LRRIQ1: variants seen among roughly 807,000 people sequenced by gnomAD.
LRRIQ1 encodes leucine rich repeats and IQ motif containing 1, also known as leucine-rich repeat- and IQ domain-containing protein 1.
LRRIQ1 carries 210 observed loss-of-function variants against 211.9 expected under a neutral mutation model. The ratio of observed to expected loss-of-function variants is 0.99; its 90% CI spans 0.89 to 1.11. The LOEUF (loss-of-function observed/expected upper bound fraction) is 1.11, where lower values mean the gene tolerates loss of function less well. LRRIQ1 is among the 50% of genes most tolerant of loss of function. LRRIQ1 has a pLI of 0.00. For synonymous variants in LRRIQ1, 699 were observed against 650.1 expected, an observed-to-expected ratio of 1.08 and a Z score of -1.14; for missense variants, 2,136 against 1,939.5, an observed-to-expected ratio of 1.10 and a Z score of -1.90.
intron 23 of LRRIQ1, among the ~76,000 whole-genome samples, chr12:85,157,403 C>A (rs189922216): frequency 8.6e-5 from 13 of 151,920 alleles, no homozygotes. Context: ...GTTGTTTTTC[C>A]TAGTGAGTAA....
At chr12:85,191,875 C>T (rs967919294) in intron 24 of LRRIQ1, among the ~76,000 whole-genome samples, 1 of 151,878 alleles carries the variant, frequency 6.6e-6, no homozygotes, top group Non-Finnish European at 1.5e-5. Context: ...ACATATGATA[C>T]TGAGCATCTT....
At position 85,056,607 on chromosome 12, in the gene LRRIQ1, T is replaced by C. The variant is rs1178321115; in HGVS notation, c.1814T>C (p.Leu605Ser). 2 of 1,594,340 alleles carry C rather than the reference T, an allele frequency of 1.3e-6. No homozygotes were observed. The highest frequency in any genetic ancestry group is 3.5e-5 in the Admixed American group (2 of 56,560). ...TTATTATATAAAGATAAGGATACTT[T>C]AGTTATTTCAGTGAAACAAAGATCA... Reference protein sequence around the residue: ...NGLLYKDKDTLVISVKQRSLS... With the variant: ...NGLLYKDKDTSVISVKQRSLS... The change falls in exon 8 of 27, where the codon TTA (leucine) becomes TCA (serine). Residue 605 changes from leucine (L) to serine (S), a missense_variant. Coordinates refer to ENST00000393217, the MANE Select transcript of LRRIQ1 (RefSeq NM_001079910.2).
intron 11 of LRRIQ1, among the ~76,000 whole-genome samples, chr12:85,097,822 A>G (rs1886022683): frequency 6.6e-6 from 1 of 152,110 alleles, no homozygotes; most frequent in African/African-American, 2.4e-5. Context: ...CTCATCTAAT[A>G]TTTTGTAGAT....
intron 11 of LRRIQ1, chr12:85,076,598 A>G: frequency 1.3e-6 from 1 of 765,842 alleles, no homozygotes; most frequent in Non-Finnish European, 1.6e-6. Context: ...AGTATTGTAA[A>G]TATGAAAGAT....
chr12:85,054,645 C>T (rs1880761300), intron 7 of LRRIQ1, among the ~76,000 whole-genome samples: 1 of 151,890 alleles, frequency 6.6e-6, no homozygotes, highest in African/African-American at 2.4e-5. Context: ...GAAAACATCT[C>T]ATTTTGAAGT....
intron 3 of LRRIQ1, among the ~76,000 whole-genome samples, chr12:85,043,535 A>T (rs1879157869): frequency 6.6e-6 from 1 of 152,032 alleles, no homozygotes; most frequent in Admixed American, 6.6e-5. Context: ...ATCATGCGTC[A>T]TTTCTGCCAC....
intron 17 of LRRIQ1, chr12:85,124,900 TG>T: frequency 4.5e-6 from 1 of 219,808 alleles, no homozygotes; most frequent in South Asian, 5.8e-5. Context: ...CTTTGCAGGC[TG>T]GGCGCGGTGG....
chr12:85,156,338 A>G (rs1448581306), intron 23 of LRRIQ1, among the ~76,000 whole-genome samples: 1 of 151,714 alleles, frequency 6.6e-6, no homozygotes, highest in Non-Finnish European at 1.5e-5. Flanking sequence ...AGATATACAG[A>G]TTAGAAACAT....
At chr12:85,181,692 T>A (rs1396947707) in intron 24 of LRRIQ1, among the ~76,000 whole-genome samples, 1 of 152,030 alleles carries the variant, frequency 6.6e-6, no homozygotes, top group Non-Finnish European at 1.5e-5. Flanking sequence ...ACACTTATGT[T>A]CAAATGGACT....
chr12:85,172,508 C>G (rs1411477410), intron 24 of LRRIQ1, among the ~76,000 whole-genome samples: 2 of 152,092 alleles, frequency 1.3e-5, no homozygotes, highest in Admixed American at 6.6e-5. Flanking sequence ...AGAATACTAG[C>G]CTTTACTTCT....
At chr12:85,203,117 C>A (rs980106530) in intron 24 of LRRIQ1, among the ~76,000 whole-genome samples, 3 of 152,108 alleles carry the variant, frequency 2.0e-5, no homozygotes, top group Admixed American at 6.6e-5. Context: ...CCATAGTGTT[C>A]TCGTGGTAGT....
chr12:85,089,109 C>T (rs998865746), intron 11 of LRRIQ1, among the ~76,000 whole-genome samples: 3 of 152,068 alleles, frequency 2.0e-5, no homozygotes, highest in East Asian at 1.9e-4. Context: ...TTTTGAGATA[C>T]GTCCCATCAA....
downstream of LRRIQ1, among the ~76,000 whole-genome samples, chr12:85,264,934 C>CT (rs1426334507): frequency 6.6e-6 from 1 of 152,000 alleles, no homozygotes; most frequent in Non-Finnish European, 1.5e-5. Flanking sequence ...TGCCTTCTAG[C>CT]TAGTAAGAAT....
At chr12:85,268,217 A>G (rs1417799401), downstream of LRRIQ1, among the ~76,000 whole-genome samples, 5 of 152,016 alleles carry the variant, frequency 3.3e-5, no homozygotes, top group Non-Finnish European at 7.4e-5. Context: ...CTTGAAATGG[A>G]AGTAGAACTC....
At chr12:85,252,910 T>C (rs1044484037) in intron 1 of LRRIQ1, among the ~76,000 whole-genome samples, 1 of 152,018 alleles carries the variant, frequency 6.6e-6, no homozygotes, top group Admixed American at 6.6e-5. Flanking sequence ...TTTAATTTAA[T>C]ATCTAAGTTC....
intron 23 of LRRIQ1, among the ~76,000 whole-genome samples, chr12:85,160,258 G>GA (rs1478430017): frequency 6.6e-6 from 1 of 151,844 alleles, no homozygotes; most frequent in Non-Finnish European, 1.5e-5. Context: ...TTAGGGCAAA[G>GA]AAAAACCACT....
chr12:85,250,225 A>G (rs1488459396), intron 1 of LRRIQ1, among the ~76,000 whole-genome samples: 1 of 151,924 alleles, frequency 6.6e-6, no homozygotes, highest in Non-Finnish European at 1.5e-5. Context: ...CTTTACCGAC[A>G]AAGAAGCAGG....
chr12:85,166,746 G>A (rs930145074), intron 24 of LRRIQ1, among the ~76,000 whole-genome samples: 6 of 152,174 alleles, frequency 3.9e-5, no homozygotes, highest in African/African-American at 9.7e-5. Context: ...AGGCAGCCCC[G>A]TAAGAAGAGA....
chr12:85,134,330 A>T (rs1224799846), intron 18 of LRRIQ1, among the ~76,000 whole-genome samples: 1 of 152,098 alleles, frequency 6.6e-6, no homozygotes, highest in Non-Finnish European at 1.5e-5. Context: ...ATACCTCCCC[A>T]ATGCTCCCCA....
Sources: gnomAD v4.1 joint callset for allele counts (sites outside exome capture counted in the v4.1 genomes callset) on GRCh38, gnomAD v4.1.1 for gene constraint, MANE v1.5 for transcripts, NCBI Gene and HGNC (gene_info 2026-07-23, HGNC 2026-07-21) for gene names.